SNX29: variants seen among roughly 807,000 people sequenced by gnomAD.
The protein encoded by SNX29 is sorting nexin-29.
A neutral mutation model predicts 102.1 loss-of-function variants in SNX29; 78 were observed. The observed-to-expected ratio is 0.76, with a 90% CI of 0.64 to 0.92. The LOEUF is 0.92. Among genes scored for constraint, SNX29 ranks in the 40% least tolerant of loss-of-function variants. The probability of loss-of-function intolerance (pLI) is 0.00; values close to 1 mark genes in which losing one functional copy is unlikely to be tolerated. For synonymous variants in SNX29, 580 were observed against 414.5 expected (o/e 1.40, Z -4.85); for missense variants, 1,280 against 1,061.7 (o/e 1.21, Z -2.86).
At chr16:12,237,115 G>T (rs147776909) in intron 14 of SNX29, among the ~76,000 whole-genome samples, 61 of 152,266 alleles carry the variant, frequency 4.0e-4, no homozygotes, top group African/African-American at 1.3e-3. Flanking sequence ...GTTGTACCTG[G>T]GGGCAGGCAG....
chr16:11,980,714 C>T (rs1287309342), intron 1 of SNX29, among the ~76,000 whole-genome samples: 2 of 152,068 alleles, frequency 1.3e-5, no homozygotes, highest in African/African-American at 4.8e-5. Flanking sequence ...AGTGGTATTT[C>T]TTCGTAGTTT....
rs1384045227 is a variant in SNX29, at chr16:12,129,862, T to C, written c.1595+104T>C. 2.9e-6 allele frequency: 4 copies of C among 1,377,872 alleles called. No homozygotes were observed. In the East Asian group the frequency reaches 1.1e-4, roughly 37 times the overall value. 85.4% of individuals were successfully genotyped at this position (1,377,872 alleles called of 1,614,324 possible). A position where few individuals can be genotyped will look rare whatever the true frequency, so the allele number is the denominator to read the frequency against. ...GCTCATGCCTGTAATCCCAGCACTT[T>C]GGGAGGCCAAGGCGGGTGGATCATA... On this transcript the variant is annotated intron_variant, in intron 13 of 20. Transcript: ENST00000566228.
At chr16:12,557,200 C>G (rs11645980) in intron 20 of SNX29, 1 of 152,020 alleles carries the variant, frequency 6.6e-6, no homozygotes, top group Non-Finnish European at 1.5e-5. Flanking sequence ...TCCAGGGCTC[C>G]AGAGGGAAAG....
At chr16:12,471,120 G>C (rs79724546) in intron 18 of SNX29, among the ~76,000 whole-genome samples, 1 of 152,054 alleles carries the variant, frequency 6.6e-6, no homozygotes, top group East Asian at 1.9e-4. Context: ...AAAGACGCCC[G>C]TTCCTATGCT....
intron 5 of SNX29, among the ~76,000 whole-genome samples, chr16:12,045,211 CTTCT>C (rs999808704): frequency 6.6e-6 from 1 of 152,198 alleles, no homozygotes; most frequent in African/African-American, 2.4e-5. Context: ...AAATGCGCCT[CTTCT>C]TTCTTTCTGT....
intron 15 of SNX29, among the ~76,000 whole-genome samples, chr16:12,280,264 A>G (rs954617998): frequency 1.3e-5 from 2 of 152,144 alleles, no homozygotes; most frequent in Non-Finnish European, 2.9e-5. Context: ...ATGAGGGGAG[A>G]AAGGTGATGC....
rs1349875063 is a variant in SNX29, at chr16:12,570,995, C to G, written c.*2366C>G. 8.6e-6 allele frequency: 2 copies of G among 232,564 alleles called. No homozygotes were observed. Among genetic ancestry groups the G allele is most frequent in the East Asian group, 6.1e-5 (1 of 16,512 alleles). The allele number at this position is 232,564 out of a possible 1,614,324, so 14.4% of individuals were successfully genotyped here. The stretch of plus-strand genomic sequence containing the variant: ...CTGGTACCTCCCCCATGATCATGCA[C>G]AGACCGTAGAGTCGAGTCATCTCGC... On this transcript the variant is annotated 3_prime_UTR_variant, in exon 21 of 21. Transcript: ENST00000566228.
rs915400731 is a variant in SNX29, at chr16:12,572,641, C to G, written c.*4012C>G. 3 of 1,063,720 alleles carry G rather than the reference C, an allele frequency of 2.8e-6. No homozygotes were observed. The highest frequency in any genetic ancestry group is 4.2e-4 in the Middle Eastern group (1 of 2,408). 65.9% of individuals were successfully genotyped at this position (1,063,720 alleles called of 1,614,324 possible). A position where few individuals can be genotyped will look rare whatever the true frequency, so the allele number is the denominator to read the frequency against. On this transcript the variant is annotated 3_prime_UTR_variant, in exon 21 of 21. Transcript: ENST00000566228. ...CCCCCAGAATCCATCCTTCATTCCT[C>G]CACCAAGCTCCTGTGTGAGCTGCAG...
At chr16:12,517,825 C>T (rs1452112815) in intron 19 of SNX29, among the ~76,000 whole-genome samples, 1 of 151,540 alleles carries the variant, frequency 6.6e-6, no homozygotes, top group African/African-American at 2.4e-5. Flanking sequence ...GGGCGACCTC[C>T]ACTGGCATGT....
chr16:12,500,033 C>T (rs1196454256), intron 19 of SNX29, among the ~76,000 whole-genome samples: 1 of 151,774 alleles, frequency 6.6e-6, no homozygotes, highest in Non-Finnish European at 1.5e-5. Context: ...GCACTGTCAC[C>T]CAGGTAGGAG....
intron 11 of SNX29, among the ~76,000 whole-genome samples, chr16:12,088,500 A>G (rs1361266910): frequency 6.6e-6 from 1 of 152,182 alleles, no homozygotes; most frequent in Non-Finnish European, 1.5e-5. Flanking sequence ...CAGGGAGCGT[A>G]AGGACATTGT....
chr16:12,306,614 C>T (rs939470216), intron 15 of SNX29, among the ~76,000 whole-genome samples: 16 of 152,136 alleles, frequency 1.1e-4, no homozygotes, highest in African/African-American at 3.1e-4. Flanking sequence ...TTCCCTCCAG[C>T]GGAAATTGAA....
intron 18 of SNX29, among the ~76,000 whole-genome samples, chr16:12,472,556 G>GA (rs939192128): frequency 4.0e-5 from 5 of 125,440 alleles, no homozygotes; most frequent in Admixed American, 1.6e-4. Flanking sequence ...AAAAAAAAAA[G>GA]AAAAAAACAG....
intron 13 of SNX29, among the ~76,000 whole-genome samples, chr16:12,159,170 G>C (rs748250318): frequency 1.3e-5 from 2 of 152,224 alleles, no homozygotes; most frequent in Non-Finnish European, 2.9e-5. Flanking sequence ...CTCCCAGCAA[G>C]GCTGGCACCC....
At chr16:12,338,807 C>A (rs2081528920) in intron 15 of SNX29, among the ~76,000 whole-genome samples, 1 of 151,730 alleles carries the variant, frequency 6.6e-6, no homozygotes, top group African/African-American at 2.4e-5. Flanking sequence ...GACCCACCTT[C>A]CATGTGGGAG....
chr16:12,000,456 G>A (rs1258936582), intron 2 of SNX29: 1 of 152,172 alleles, frequency 6.6e-6, no homozygotes, highest in Non-Finnish European at 1.5e-5. Context: ...AGGGGCAGTT[G>A]ACGGTTATAA....
At chr16:12,424,259 G>A (rs977147884) in intron 18 of SNX29, among the ~76,000 whole-genome samples, 2 of 152,326 alleles carry the variant, frequency 1.3e-5, no homozygotes, top group Non-Finnish European at 1.5e-5. Context: ...CTAGGGTGTG[G>A]CCATTGCCCA....
chr16:12,484,260 C>T (rs965158103), intron 19 of SNX29, among the ~76,000 whole-genome samples: 1 of 152,182 alleles, frequency 6.6e-6, no homozygotes, highest in Non-Finnish European at 1.5e-5. Context: ...GCCATCCTTC[C>T]ACCTCAGCCT....
chr16:12,433,332 A>G (rs1320346506), intron 18 of SNX29, among the ~76,000 whole-genome samples: 2 of 152,160 alleles, frequency 1.3e-5, no homozygotes, highest in Admixed American at 6.5e-5. Context: ...TCACAGGATC[A>G]TAAAACTGTA....
Sources: allele counts gnomAD v4.1 joint callset (sites outside exome capture counted in the v4.1 genomes callset), GRCh38; gene constraint gnomAD v4.1.1; transcripts MANE v1.5; gene names NCBI Gene and HGNC (gene_info 2026-07-23, HGNC 2026-07-21).